Variants in HIPK3 observed in about 807,000 individuals in gnomAD.
The protein encoded by HIPK3 is homeodomain-interacting protein kinase 3.
Under a neutral mutation model 124.2 loss-of-function variants are expected in HIPK3, and 47 were observed. The observed-to-expected ratio is 0.38, with a 90% CI of 0.30 to 0.48. The LOEUF (loss-of-function observed/expected upper bound fraction) is 0.48, where lower values mean the gene tolerates loss of function less well. Ranked by LOEUF, HIPK3 falls within the 20% of genes least tolerant of loss-of-function variation. HIPK3 has a pLI of 0.98. For synonymous variants in HIPK3, 482 were observed against 515.2 expected, an observed-to-expected ratio of 0.94 and a Z score of 0.87; for missense variants, 1,286 against 1,454.3, an observed-to-expected ratio of 0.88 and a Z score of 1.88.
intron 2 of HIPK3, among the ~76,000 whole-genome samples, chr11:33,295,278 C>CT (rs1851809981): frequency 1.6e-5 from 1 of 60,744 alleles, no homozygotes; most frequent in African/African-American, 7.7e-5. Flanking sequence ...GCCACCACCG[C>CT]CCCCCCCCCA....
At chr11:33,352,848 C>T (rs761464079) in intron 16 of HIPK3, among the ~76,000 whole-genome samples, 1 of 152,038 alleles carries the variant, frequency 6.6e-6, no homozygotes, top group African/African-American at 2.4e-5. Context: ...ATAGGTAGTA[C>T]TAGCAGCAGT....
chr11:33,270,343 C>G (rs189818361), intron 1 of HIPK3, among the ~76,000 whole-genome samples: 1 of 151,698 alleles, frequency 6.6e-6, no homozygotes, highest in Non-Finnish European at 1.5e-5. Flanking sequence ...GAGACGGAGT[C>G]TGTCACCCAG....
At chr11:33,321,038 A>G (rs1565084298) in intron 2 of HIPK3, among the ~76,000 whole-genome samples, 1 of 152,214 alleles carries the variant, frequency 6.6e-6, no homozygotes, top group Non-Finnish European at 1.5e-5. Flanking sequence ...CTGAGCCTTC[A>G]GATACCCCAA....
chr11:33,338,666 C>T (rs1012845655), intron 4 of HIPK3, 91 bp from the exon 5 acceptor site: 2 of 649,152 alleles, frequency 3.1e-6, no homozygotes, highest in Non-Finnish European at 4.9e-6. Context: ...TACTATTTGC[C>T]TTAGAATATT....
intron 6 of HIPK3, 30 bp downstream of exon 6, chr11:33,339,564 T>C: frequency 7.0e-7 from 1 of 1,438,260 alleles, no homozygotes; most frequent in African/African-American, 1.4e-5. Context: ...TTTAAAGTGG[T>C]TCTAAAAAAA....
chr11:33,257,846 G>A lies in HIPK3; in HGVS notation c.-46G>A. 1 of 985,768 alleles carries A rather than the reference G, an allele frequency of 1.0e-6. No homozygotes were observed. The highest frequency in any genetic ancestry group is 1.2e-6 in the Non-Finnish European group (1 of 830,220). The allele number at this position is 985,768 out of a possible 1,614,324, so 61.1% of individuals were successfully genotyped here. ...TGCGCCCCACCCCGGACATGCTCAG[G>A]GCTGCGGCCGCCCGAAGAGGAGAGA... On this transcript the variant is annotated 5_prime_UTR_variant, in exon 1 of 17. Transcript: ENST00000303296.
chr11:33,348,880 C>A, intron 13 of HIPK3, 62 bp downstream of exon 13: 1 of 1,459,366 alleles, frequency 6.9e-7, no homozygotes, highest in Non-Finnish European at 9.3e-7. Context: ...TGCCGAAAAA[C>A]AACTTTCTGT....
At chr11:33,280,725 A>G (rs1851390559) in intron 1 of HIPK3, among the ~76,000 whole-genome samples, 1 of 152,196 alleles carries the variant, frequency 6.6e-6, no homozygotes, top group South Asian at 2.1e-4. Context: ...TAGGAATGGC[A>G]GGATCCAGAA....
At position 33,349,251 on chromosome 11, in the gene HIPK3, G is replaced by A; in HGVS notation, c.2771G>A (p.Gly924Glu). Residue 924 changes from glycine to glutamate, a missense_variant, in exon 14 of 17, where the codon GGG becomes GAG. Gly to Glu is a moderately conservative substitution (Grantham distance 98). Transcript: ENST00000303296. ...PDSTLSTSSS[G>E]QSSPSPCKRP... ...AGTACTCTGAGTACCAGCTCCTCAGGGCAGTCCAGCCCATCCCCCTGCAAG... is the reference window on the plus strand; with the variant it reads ...AGTACTCTGAGTACCAGCTCCTCAGAGCAGTCCAGCCCATCCCCCTGCAAG... 6.2e-7 allele frequency: 1 copy of A among 1,613,830 alleles called. No homozygotes were observed. The highest frequency in any genetic ancestry group is 2.2e-5 in the East Asian group (1 of 44,876).
intron 1 of HIPK3, among the ~76,000 whole-genome samples, chr11:33,285,237 C>T (rs2133899058): frequency 6.6e-6 from 1 of 152,104 alleles, no homozygotes; most frequent in East Asian, 1.9e-4. Flanking sequence ...GTCATTTAGT[C>T]CTTGAGAACC....
At chr11:33,321,989 A>G (rs1336071650) in intron 2 of HIPK3, among the ~76,000 whole-genome samples, 2 of 151,774 alleles carry the variant, frequency 1.3e-5, no homozygotes, top group African/African-American at 4.8e-5. Flanking sequence ...ATACATTCCC[A>G]ACTTTTTATT....
chr11:33,347,847 C>G lies in HIPK3; in HGVS notation c.2145-5C>G. On this transcript the variant is annotated splice_polypyrimidine_tract_variant and splice_region_variant and intron_variant, in intron 10 of 16. Coordinates refer to ENST00000303296, the MANE Select transcript of HIPK3 (RefSeq NM_005734.5). ...TTAAAAACATTGTTCTGAACTTCTC[C>G]CTAGGAAGATGATTTCATGCAGCAA... The G allele has an allele frequency of 6.2e-7, 1 of 1,613,974 alleles. No homozygotes were observed. Among genetic ancestry groups the G allele is most frequent in the Non-Finnish European group, 8.5e-7 (1 of 1,179,924 alleles).
intron 2 of HIPK3, among the ~76,000 whole-genome samples, chr11:33,305,932 A>G (rs1337552125): frequency 7.2e-5 from 11 of 151,816 alleles, no homozygotes; most frequent in Admixed American, 7.2e-4. Flanking sequence ...CTGCAGCTAT[A>G]TGTTGCCCAG....
chr11:33,290,887 T>C (rs1446546586), intron 2 of HIPK3, among the ~76,000 whole-genome samples: 2 of 152,166 alleles, frequency 1.3e-5, no homozygotes, highest in Non-Finnish European at 2.9e-5. Flanking sequence ...TTACCCGACG[T>C]TCAGAAGCTA....
chr11:33,279,166 T>C (rs1851346412), intron 1 of HIPK3, among the ~76,000 whole-genome samples: 2 of 151,730 alleles, frequency 1.3e-5, no homozygotes, highest in Admixed American at 1.3e-4. Flanking sequence ...ATACAGAAAT[T>C]AGCCAGACAT....
At chr11:33,273,935 C>G (rs1331737641) in intron 1 of HIPK3, among the ~76,000 whole-genome samples, 1 of 152,196 alleles carries the variant, frequency 6.6e-6, no homozygotes, top group East Asian at 1.9e-4. Flanking sequence ...AGCCACTGTT[C>G]TCATTCTGTT....
chr11:33,338,153 C>A (rs369370279), intron 4 of HIPK3, among the ~76,000 whole-genome samples: 2 of 152,184 alleles, frequency 1.3e-5, no homozygotes, highest in African/African-American at 4.8e-5. Flanking sequence ...ATGAATCTAA[C>A]CACTTACTAC....
chr11:33,303,464 G>T (rs746264203), intron 2 of HIPK3, among the ~76,000 whole-genome samples: 5 of 152,124 alleles, frequency 3.3e-5, no homozygotes, highest in Non-Finnish European at 7.3e-5. Flanking sequence ...TTTAGTGGTG[G>T]TTTTAAAATT....
chr11:33,260,691 G>A (rs892983039), intron 1 of HIPK3, among the ~76,000 whole-genome samples: 3 of 152,176 alleles, frequency 2.0e-5, no homozygotes, highest in South Asian at 4.1e-4. Flanking sequence ...TAAGTTTGGA[G>A]ATGAAAAGAT....
Sources: allele counts gnomAD v4.1 joint callset (sites outside exome capture counted in the v4.1 genomes callset), GRCh38; gene constraint gnomAD v4.1.1; transcripts MANE v1.5; gene names NCBI Gene and HGNC (gene_info 2026-07-23, HGNC 2026-07-21).